Variants in ZNF362 observed in about 807,000 individuals in gnomAD.
The protein encoded by ZNF362 is zinc finger protein 362.
Under a neutral mutation model 42.9 loss-of-function variants are expected in ZNF362, and 11 were observed. The observed-to-expected ratio is 0.26, with a 90% CI of 0.16 to 0.42. The LOEUF is 0.42. Ranked by LOEUF, ZNF362 falls within the 20% of genes least tolerant of loss-of-function variation. The probability of loss-of-function intolerance (pLI) is 1.00; values close to 1 mark genes in which losing one functional copy is unlikely to be tolerated. For missense variants in ZNF362, 362 were observed against 576.2 expected (o/e 0.63, Z 3.81); for synonymous variants, 255 against 257.3 (o/e 0.99, Z 0.09).
At chr1:33,254,290 AT>A (rs1645773900), upstream of ZNF362, among the ~76,000 whole-genome samples, 1 of 151,942 alleles carries the variant, frequency 6.6e-6, no homozygotes, top group African/African-American at 2.4e-5. Context: ...CGCCTGGCTA[AT>A]TTTTGTATTT....
At chr1:33,202,265 A>G in the ZNF362 span, among the ~76,000 whole-genome samples, 9 of 152,234 alleles carry the variant, frequency 5.9e-5, no homozygotes, top group African/African-American at 1.9e-4. Context: ...AATTCATCCT[A>G]TAAAACCAGC....
the ZNF362 span, among the ~76,000 whole-genome samples, chr1:33,233,019 G>T: frequency 2.0e-5 from 3 of 152,240 alleles, no homozygotes; most frequent in Non-Finnish European, 4.4e-5. Context: ...AAACTGAAAT[G>T]CAGTGAGGTT....
At chr1:33,150,049 C>T in the ZNF362 span, among the ~76,000 whole-genome samples, 4 of 152,340 alleles carry the variant, frequency 2.6e-5, no homozygotes, top group South Asian at 2.1e-4. Context: ...TTTCATGAAC[C>T]CTTGTTAAGA....
intron 2 of ZNF362, chr1:33,275,251 G>A (rs570423888): frequency 2.0e-6 from 2 of 985,396 alleles, no homozygotes; most frequent in Admixed American, 1.2e-4. Context: ...GACTGAGATA[G>A]CCCTGAAGGC....
At chr1:33,133,015 C>T in the ZNF362 span, among the ~76,000 whole-genome samples, 4 of 152,256 alleles carry the variant, frequency 2.6e-5, no homozygotes, top group South Asian at 2.1e-4. Context: ...CAGGAGTGCA[C>T]TCCTTGGAGG....
the ZNF362 span, chr1:33,147,389 G>A: frequency 9.9e-6 from 16 of 1,614,030 alleles, no homozygotes; most frequent in African/African-American, 2.7e-5. The surrounding 1 kb of genome is among the most constrained non-coding windows in gnomAD (Gnocchi z 8.1). Flanking sequence ...ACGTTAAGCC[G>A]CGTCCAGGGC....
the ZNF362 span, among the ~76,000 whole-genome samples, chr1:33,194,275 C>A: frequency 6.6e-6 from 1 of 152,056 alleles, no homozygotes; most frequent in Admixed American, 6.6e-5. Flanking sequence ...GTGGCTCACA[C>A]CCGTAATCCC....
At chr1:33,252,411 TC>T (rs1175833723), upstream of ZNF362, among the ~76,000 whole-genome samples, 2 of 152,126 alleles carry the variant, frequency 1.3e-5, no homozygotes, top group African/African-American at 4.8e-5. Context: ...TATTCTCTTT[TC>T]TTCTGCCATG....
At chr1:33,149,277 C>T in the ZNF362 span, among the ~76,000 whole-genome samples, 3 of 152,276 alleles carry the variant, frequency 2.0e-5, no homozygotes, top group Middle Eastern at 3.4e-3. Context: ...CTCAGCCTCT[C>T]GAGTAGTTGG....
chr1:33,232,767 C>T, the ZNF362 span, among the ~76,000 whole-genome samples: 3 of 152,100 alleles, frequency 2.0e-5, no homozygotes, highest in Non-Finnish European at 2.9e-5. Flanking sequence ...TGGCTTAAGC[C>T]GTATTTAGTT....
In ZNF362 at chr1:33,256,597, T is replaced by G. The variant is rs2148053215; in HGVS notation, c.-146T>G. The stretch of plus-strand genomic sequence containing the variant: ...TGCCGGAGCCCCAGCCCGGCCCTGC[T>G]CGGGCCGCCGGGCGCGGGGCTGCGG... On this transcript the variant is annotated 5_prime_UTR_variant, in exon 1 of 9. Transcript: ENST00000539719. The G allele has an allele frequency of 6.9e-6, 1 of 145,526 alleles. No individual in the cohort carries two copies. Among genetic ancestry groups the G allele is most frequent in the Middle Eastern group, 3.5e-3 (1 of 288 alleles). 9.0% of individuals were successfully genotyped at this position (145,526 alleles called of 1,614,324 possible).
At chr1:33,199,452 T>G in the ZNF362 span, among the ~76,000 whole-genome samples, 1 of 151,914 alleles carries the variant, frequency 6.6e-6, no homozygotes, top group African/African-American at 2.4e-5. Context: ...GAAGGGGAAA[T>G]AAATACTTTC....
chr1:33,135,471 C>T, the ZNF362 span, among the ~76,000 whole-genome samples: 3 of 152,322 alleles, frequency 2.0e-5, no homozygotes, highest in East Asian at 1.9e-4. Flanking sequence ...TTCTAGCTGT[C>T]GTTAGGCATT....
Position 33,282,000 on chromosome 1 carries a change from C to G in ZNF362, c.908+189C>G. ...ACCCCGTCCCCACTGTTTCTCATCT[C>G]TAGGTCTTTGCACATGCTGTGTCCT... On this transcript the variant is annotated intron_variant, in intron 6 of 8. Coordinates refer to ENST00000539719, the MANE Select transcript of ZNF362 (RefSeq NM_152493.3). This position sits in a 1 kb window ranked among gnomAD's most constrained non-coding sequence, Gnocchi z 4.8. 4.9e-6 allele frequency: 3 copies of G among 611,514 alleles called. No individual in the cohort carries two copies. The highest frequency in any genetic ancestry group is 8.7e-6 in the Non-Finnish European group (3 of 345,896). The allele number at this position is 611,514 out of a possible 1,614,324, so 37.9% of individuals were successfully genotyped here.
At chr1:33,188,865 C>A in the ZNF362 span, among the ~76,000 whole-genome samples, 7 of 152,144 alleles carry the variant, frequency 4.6e-5, no homozygotes, top group African/African-American at 1.7e-4. Flanking sequence ...CGATGGACAC[C>A]CTCTGGTAGA....
chr1:33,276,081 A>G lies in ZNF362; in HGVS notation c.39-19A>G, dbSNP rs770711035. On this transcript the variant is annotated intron_variant, in intron 2 of 8. Coordinates refer to ENST00000539719, the MANE Select transcript of ZNF362 (RefSeq NM_152493.3). The stretch of plus-strand genomic sequence containing the variant: ...TGGGGAGGGCTCTCTTCCCGGTGAC[A>G]GTCGCTCTCTTCCCGCAGGATGGCC... The G allele has an allele frequency of 6.8e-6, 11 of 1,613,668 alleles. No homozygotes were observed. In the Admixed American group the frequency reaches 1.3e-4, roughly 20 times the overall value.
In ZNF362 at chr1:33,281,856, G is replaced by C. The variant is rs767018302; in HGVS notation, c.908+45G>C. On this transcript the variant is annotated intron_variant, in intron 6 of 8. Coordinates refer to ENST00000539719, the MANE Select transcript of ZNF362 (RefSeq NM_152493.3). The surrounding 1 kb of genome is among the most constrained non-coding windows in gnomAD (Gnocchi z 4.8). ...CCCTGCTGCAGCCCGACTCAGCTCAGCACCCGTGGCCTGGCACATGGAGCC... is the reference window on the plus strand; with the variant it reads ...CCCTGCTGCAGCCCGACTCAGCTCACCACCCGTGGCCTGGCACATGGAGCC... 6.3e-7 allele frequency: 1 copy of C among 1,599,406 alleles called. No homozygotes were observed. The highest frequency in any genetic ancestry group is 1.1e-5 in the South Asian group (1 of 90,428).
At chr1:33,236,550 A>ATATATATATATAT in the ZNF362 span, among the ~76,000 whole-genome samples, 1 of 5,980 alleles carries the variant, frequency 1.7e-4, no homozygotes, top group Non-Finnish European at 3.7e-4. Context: ...AAAAAAAAAA[A>ATATATATATATAT]ATATATATAT....
chr1:33,287,169 T>C (rs888445376), intron 6 of ZNF362, among the ~76,000 whole-genome samples: 2 of 152,198 alleles, frequency 1.3e-5, no homozygotes, highest in African/African-American at 4.8e-5. Flanking sequence ...TTTCTGTTCT[T>C]GTTAGTCTGT....
Sources: allele counts gnomAD v4.1 joint callset (sites outside exome capture counted in the v4.1 genomes callset), GRCh38; gene constraint gnomAD v4.1.1; non-coding constraint Gnocchi (gnomAD v3.1); transcripts MANE v1.5; gene names NCBI Gene and HGNC (gene_info 2026-07-23, HGNC 2026-07-21).